RIGI: variants seen among roughly 807,000 people sequenced by gnomAD.
The protein encoded by RIGI is antiviral innate immune response receptor RIG-I.
At chr9:32,520,120 ACC>A in the RIGI span, among the ~76,000 whole-genome samples, 10 of 148,234 alleles carry the variant, frequency 6.7e-5, 1 homozygote, top group African/African-American at 2.5e-4. Flanking sequence ...ACTTGCATTT[ACC>A]ATTTTTTTTT....
the RIGI span, chr9:32,473,188 C>A: frequency 1.2e-5 from 6 of 485,904 alleles, no homozygotes; most frequent in East Asian, 8.5e-5. Flanking sequence ...TTCAGACTGA[C>A]AAACCTGAGA....
the RIGI span, among the ~76,000 whole-genome samples, chr9:32,493,100 A>C: frequency 6.6e-6 from 1 of 152,240 alleles, no homozygotes; most frequent in African/African-American, 2.4e-5. Context: ...AGAGAAACTA[A>C]GTAACTTGCC....
the RIGI span, chr9:32,500,879 A>C: frequency 1.9e-6 from 3 of 1,614,162 alleles, no homozygotes; most frequent in Non-Finnish European, 2.5e-6. Context: ...CTTGAGAAAA[A>C]GTGTGGCAGC....
chr9:32,491,985 A>G, the RIGI span, among the ~76,000 whole-genome samples: 2 of 152,214 alleles, frequency 1.3e-5, no homozygotes, highest in Non-Finnish European at 2.9e-5. Flanking sequence ...TCAGTTCCAG[A>G]TGGCTTCCAG....
chr9:32,499,327 T>G, the RIGI span, among the ~76,000 whole-genome samples: 1 of 150,062 alleles, frequency 6.7e-6, no homozygotes, highest in African/African-American at 2.4e-5. Context: ...TTTTTTTTTT[T>G]TTTTTTTTTT....
At chr9:32,460,431 A>T in the RIGI span, among the ~76,000 whole-genome samples, 1 of 152,210 alleles carries the variant, frequency 6.6e-6, no homozygotes, top group East Asian at 1.9e-4. Flanking sequence ...AGAACCATGG[A>T]CATGATATTA....
chr9:32,486,483 C>T, the RIGI span, among the ~76,000 whole-genome samples: 2 of 146,020 alleles, frequency 1.4e-5, no homozygotes, highest in Non-Finnish European at 1.5e-5. Context: ...AGAAGTAGTA[C>T]ACGCAAAGTG....
At chr9:32,480,429 T>A in the RIGI span, 4 of 1,365,918 alleles carry the variant, frequency 2.9e-6, no homozygotes, top group Non-Finnish European at 3.9e-6. Flanking sequence ...CAATTCGTTG[T>A]ATTTAACGAA....
the RIGI span, chr9:32,456,323 A>C: frequency 6.6e-6 from 1 of 152,114 alleles, no homozygotes; most frequent in Non-Finnish European, 1.5e-5. Flanking sequence ...ACCACTGTAG[A>C]GTGGATACAC....
chr9:32,518,290 G>A, the RIGI span, among the ~76,000 whole-genome samples: 27 of 151,634 alleles, frequency 1.8e-4, no homozygotes, highest in African/African-American at 6.1e-4. Flanking sequence ...GTATAAAGAT[G>A]TATTTTTGGT....
chr9:32,469,078 G>T, the RIGI span, among the ~76,000 whole-genome samples: 1 of 152,110 alleles, frequency 6.6e-6, no homozygotes, highest in Non-Finnish European at 1.5e-5. Context: ...AGGATTTGGA[G>T]ACCCCCTGTG....
the RIGI span, among the ~76,000 whole-genome samples, chr9:32,457,931 G>C: frequency 5.9e-5 from 9 of 152,098 alleles, no homozygotes; most frequent in Non-Finnish European, 1.2e-4. Flanking sequence ...TAGTCCCTCA[G>C]GAAAACATAG....
At chr9:32,525,910 G>A in the RIGI span, 1 of 689,514 alleles carries the variant, frequency 1.5e-6, no homozygotes, top group East Asian at 2.8e-5. Flanking sequence ...TCAAACTCTG[G>A]CAACCTCTAG....
the RIGI span, among the ~76,000 whole-genome samples, chr9:32,513,178 T>A: frequency 1.3e-5 from 2 of 152,084 alleles, no homozygotes; most frequent in Admixed American, 6.5e-5. Context: ...GCCATCCCCA[T>A]CAAGCTACCA....
At chr9:32,464,784 AG>A in the RIGI span, among the ~76,000 whole-genome samples, 1 of 152,180 alleles carries the variant, frequency 6.6e-6, no homozygotes, top group Non-Finnish European at 1.5e-5. Context: ...CCCAGCTGCC[AG>A]TAACTCCCAG....
the RIGI span, among the ~76,000 whole-genome samples, chr9:32,520,190 C>A: frequency 4.6e-5 from 7 of 151,768 alleles, no homozygotes; most frequent in Non-Finnish European, 8.8e-5. Flanking sequence ...ACAGGACTTA[C>A]CACATTTTTG....
At chr9:32,507,072 A>C in the RIGI span, among the ~76,000 whole-genome samples, 2 of 152,202 alleles carry the variant, frequency 1.3e-5, no homozygotes, top group South Asian at 4.1e-4. Flanking sequence ...CCTATGATTA[A>C]TTTCTGGGAT....
At chr9:32,487,810 A>G in the RIGI span, 1 of 1,294,212 alleles carries the variant, frequency 7.7e-7, no homozygotes, top group Non-Finnish European at 1.1e-6. Context: ...AATAAAGGAA[A>G]CAAAATTCAT....
At chr9:32,479,716 A>G in the RIGI span, among the ~76,000 whole-genome samples, 3 of 151,970 alleles carry the variant, frequency 2.0e-5, no homozygotes, top group Admixed American at 1.3e-4. Context: ...GCACACCTGC[A>G]GTCCTGGCTA....
Sources: gnomAD v4.1 joint callset for allele counts (sites outside exome capture counted in the v4.1 genomes callset) on GRCh38, gnomAD v4.1.1 for gene constraint, MANE v1.5 for transcripts, NCBI Gene and HGNC (gene_info 2026-07-23, HGNC 2026-07-21) for gene names.